The following MPDZ variants were observed in gnomAD, a reference collection of about 807,000 sequenced individuals.
MPDZ encodes the protein multiple PDZ domain crumbs cell polarity complex component.
Under a neutral mutation model 239.1 loss-of-function variants are expected in MPDZ, and 234 were observed. The ratio of observed to expected loss-of-function variants is 0.98; its 90% CI spans 0.88 to 1.09. MPDZ has a LOEUF of 1.09. Ranked by LOEUF, MPDZ falls within the 50% of genes least tolerant of loss-of-function variation. The pLI, the probability that MPDZ is intolerant of heterozygous loss-of-function variation, is 0.00. For missense variants in MPDZ, 3,175 were observed against 2,510.0 expected, an observed-to-expected ratio of 1.26 and a Z score of -5.66; for synonymous variants, 1,048 against 881.3, an observed-to-expected ratio of 1.19 and a Z score of -3.35.
Position 13,190,268 on chromosome 9 carries a change from G to T in MPDZ, c.2000C>A (p.Ser667Ter). ...PHVDLGEFIGSSETEDPVLAM... is the reference protein window; with the variant it reads ...PHVDLGEFIG ...CAGCACTGGATCCTCTGTCTCTGAT[G>T]ACCCGATGAACTCACCTAGATCTAC... is the stretch of plus-strand genomic sequence containing the variant. The change falls in exon 16 of 47, where the codon TCA becomes TAA. Residue 667 changes from serine (S) to a stop codon, truncating the protein, a stop_gained. Transcript: ENST00000319217. LOFTEE classifies it high-confidence loss of function. 1 of 1,607,164 alleles carries T rather than the reference G, an allele frequency of 6.2e-7. No homozygotes were observed.
chr9:13,107,518 G>T (rs935046509), intron 46 of MPDZ, among the ~76,000 whole-genome samples: 1 of 152,150 alleles, frequency 6.6e-6, no homozygotes, highest in African/African-American at 2.4e-5. Flanking sequence ...AACAAAAACA[G>T]TTTTACAGGA....
chr9:13,240,228 C>T (rs1042158140), intron 3 of MPDZ, among the ~76,000 whole-genome samples: 7 of 151,912 alleles, frequency 4.6e-5, no homozygotes, highest in Non-Finnish European at 8.8e-5. Context: ...TAAAGCCTTA[C>T]AGAGAAGTAT....
intron 1 of MPDZ, among the ~76,000 whole-genome samples, chr9:13,265,561 C>T (rs180961286): frequency 3.3e-5 from 5 of 152,318 alleles, no homozygotes; most frequent in Non-Finnish European, 7.3e-5. Flanking sequence ...AAGAGCGAAA[C>T]TCCATCTCAA....
intron 2 of MPDZ, 72 bp downstream of exon 2, chr9:13,250,228 A>C: frequency 7.0e-7 from 1 of 1,431,762 alleles, no homozygotes; most frequent in East Asian, 2.4e-5. Context: ...TGTTAAACAC[A>C]ACATATGTCA....
At chr9:13,267,948 AAGT>A (rs1432417658) in intron 1 of MPDZ, among the ~76,000 whole-genome samples, 2 of 152,172 alleles carry the variant, frequency 1.3e-5, no homozygotes, top group African/African-American at 2.4e-5. Context: ...TTCACGCACA[AAGT>A]AGCAAAACAC....
At position 13,183,646 on chromosome 9, in the gene MPDZ, T is replaced by G. The variant is rs1011716896; in HGVS notation, c.2482-61A>C. 6 of 1,546,904 alleles carry G rather than the reference T, an allele frequency of 3.9e-6. No homozygotes were observed. In the African/African-American group the frequency reaches 8.3e-5, roughly 21 times the overall value. On this transcript the variant is annotated intron_variant, in intron 18 of 46. Transcript: ENST00000319217. The stretch of plus-strand genomic sequence containing the variant: ...GTTCTATTACATATATGACAAACAA[T>G]CTCCACTTGAGACTAAAAGGCAAAC...
rs542047242 is a variant in MPDZ at position 13,221,244 on chromosome 9, G to C, written c.876+128C>G. ...ACATTTTAGGGACACTCAATAAAACGAAAGATTCTAACTCAATTTCTTTGG... is the reference window on the plus strand; with the variant it reads ...ACATTTTAGGGACACTCAATAAAACCAAAGATTCTAACTCAATTTCTTTGG... On this transcript the variant is annotated intron_variant, in intron 7 of 46. Transcript: ENST00000319217. 4.8e-6 allele frequency: 5 copies of C among 1,036,936 alleles called. No homozygotes were observed. The South Asian group carries it at 1.2e-4, about 25-fold the overall frequency. The allele number at this position is 1,036,936 out of a possible 1,614,324, so 64.2% of individuals were successfully genotyped here. A position where few individuals can be genotyped will look rare whatever the true frequency, so the allele number is the denominator to read the frequency against.
In MPDZ at chr9:13,136,325, C is replaced by CTTTTTTTTTTTTTTTTTTTTTTTTTT. The variant is rs869272418; in HGVS notation, c.4293-144_4293-143insAAAAAAAAAAAAAAAAAAAAAAAAAA. ...ACACTTACAAATTTACAAACGTTTT[C>CTTTTTTTTTTTTTTTTTTTTTTTTTT]TTTTTTTTTTTTTTTTTTTTTTTTG... On this transcript the variant is annotated intron_variant, in intron 30 of 46. Transcript: ENST00000319217. The CTTTTTTTTTTTTTTTTTTTTTTTTTT allele has an allele frequency of 6.3e-4, 99 of 156,704 alleles. 5 individuals carry two copies. The highest frequency in any genetic ancestry group is 1.9e-3 in the African/African-American group (31 of 16,182). 9.7% of individuals were successfully genotyped at this position (156,704 alleles called of 1,614,324 possible).
chr9:13,162,119 C>T (rs1950556664), intron 23 of MPDZ, among the ~76,000 whole-genome samples: 2 of 151,986 alleles, frequency 1.3e-5, no homozygotes, highest in Non-Finnish European at 2.9e-5. Context: ...ACAGAATTAG[C>T]CTGATGTGGT....
At chr9:13,175,338 G>A (rs1421597259) in intron 21 of MPDZ, among the ~76,000 whole-genome samples, 2 of 152,142 alleles carry the variant, frequency 1.3e-5, no homozygotes, top group Non-Finnish European at 2.9e-5. Flanking sequence ...TTCTTTCAGT[G>A]AGTGAAAGAA....
intron 39 of MPDZ, among the ~76,000 whole-genome samples, chr9:13,117,920 C>T (rs1943733292): frequency 6.9e-6 from 1 of 145,364 alleles, no homozygotes; most frequent in African/African-American, 2.5e-5. Flanking sequence ...TCTCGGCTTA[C>T]TGCAACCTCT....
intron 45 of MPDZ, 86 bp from the exon 46 acceptor site, chr9:13,109,145 G>C (rs371164661): frequency 3.7e-6 from 4 of 1,069,594 alleles, no homozygotes; most frequent in Admixed American, 4.1e-5. Flanking sequence ...CATCCACCTA[G>C]AGCTAGCATA....
intron 46 of MPDZ, among the ~76,000 whole-genome samples, chr9:13,108,647 T>C (rs1941894194): frequency 6.6e-6 from 1 of 152,158 alleles, no homozygotes; most frequent in Admixed American, 6.6e-5. Flanking sequence ...GTGCAATTTG[T>C]GTTCAAAGAA....
chr9:13,157,665 T>C (rs1295007753), intron 24 of MPDZ, among the ~76,000 whole-genome samples: 1 of 152,022 alleles, frequency 6.6e-6, no homozygotes, highest in African/African-American at 2.4e-5. Context: ...TCTGAATATA[T>C]ATGTTTGCCT....
In MPDZ at chr9:13,168,349, CT is replaced by C. The variant is rs1293892314; in HGVS notation, c.3254+16del. 1 of 1,605,088 alleles carries C rather than the reference CT, an allele frequency of 6.2e-7. No individual in the cohort carries two copies. The highest frequency in any genetic ancestry group is 2.2e-5 in the East Asian group (1 of 44,506). ...CCTGAATTTCCCAAGTTAAACTGGG[CT>C]TCAAATGATACTTACTTTATGTCAG... On this transcript the variant is annotated intron_variant, in intron 22 of 46. Coordinates refer to ENST00000319217, the MANE Select transcript of MPDZ (RefSeq NM_001378778.1).
intron 27 of MPDZ, 88 bp downstream of exon 27, chr9:13,143,378 T>C: frequency 2.0e-6 from 2 of 1,000,392 alleles, no homozygotes; most frequent in Non-Finnish European, 1.5e-6. Flanking sequence ...ATGTAGCAAA[T>C]AGTGAACTGG....
chr9:13,260,364 G>C (rs1022833145), intron 1 of MPDZ, among the ~76,000 whole-genome samples: 2 of 152,152 alleles, frequency 1.3e-5, no homozygotes, highest in African/African-American at 4.8e-5. Context: ...TGGTAATATG[G>C]AGGTAAGGAA....
In MPDZ at chr9:13,133,816, A is replaced by T; in HGVS notation, c.4464+8T>A. 6.4e-7 allele frequency: 1 copy of T among 1,572,558 alleles called. No individual in the cohort carries two copies. Among genetic ancestry groups the T allele is most frequent in the Non-Finnish European group, 8.7e-7 (1 of 1,145,374 alleles). ...ACATCATTTCATTCCAATTCAAAGC[A>T]GATTTACCTTGGGAAGCTCCAGATG... On this transcript the variant is annotated splice_region_variant and intron_variant, in intron 32 of 46. Transcript: ENST00000319217.
chr9:13,140,226 C>A, intron 27 of MPDZ, 77 bp from the exon 28 acceptor site: 1 of 1,428,148 alleles, frequency 7.0e-7, no homozygotes, highest in Non-Finnish European at 9.5e-7. Context: ...TAAGAGTATA[C>A]TGTCAAAAAC....
Sources: allele counts gnomAD v4.1 joint callset (sites outside exome capture counted in the v4.1 genomes callset), GRCh38; gene constraint gnomAD v4.1.1; transcripts MANE v1.5; gene names NCBI Gene and HGNC (gene_info 2026-07-23, HGNC 2026-07-21).